The following SYTL3 variants were observed in gnomAD, a reference collection of about 807,000 sequenced individuals.
SYTL3 encodes the protein synaptotagmin-like protein 3.
SYTL3 carries 88 observed loss-of-function variants against 82.1 expected under a neutral mutation model. That is an observed-to-expected ratio of 1.07 (90% CI 0.90 to 1.28). The LOEUF (loss-of-function observed/expected upper bound fraction) is 1.28. SYTL3 is among the 50% of genes most tolerant of loss of function. The pLI is 0.00. For missense variants in SYTL3, 831 were observed against 757.6 expected, an observed-to-expected ratio of 1.10 and a Z score of -1.14; for synonymous variants, 311 against 289.4, an observed-to-expected ratio of 1.07 and a Z score of -0.76.
In SYTL3 at chr6:158,757,348, A is replaced by C. The variant is rs1190728576; in HGVS notation, c.1275A>C (p.Thr425=). ...CGTGGGACTTTGAAGACAGCACAAC[A>C]CAGTCCTTCCGCTGGCATCCGCTCC... The part of the protein sequence containing the change: ...LATWDFEDST[T]QSFRWHPLRA... Residue 425 remains threonine (T), a synonymous_variant, in exon 14 of 18, where the codon ACA becomes ACC. Coordinates refer to ENST00000611299, the MANE Select transcript of SYTL3 (RefSeq NM_001242394.2). The C allele has an allele frequency of 6.2e-7, 1 of 1,613,832 alleles. No homozygotes were observed.
intron 13 of SYTL3, among the ~76,000 whole-genome samples, chr6:158,752,316 T>G (rs1788500945): frequency 6.6e-6 from 1 of 152,212 alleles, no homozygotes; most frequent in Admixed American, 6.5e-5. Flanking sequence ...TGTCTCGGGC[T>G]AACACCGGGG....
intron 5 of SYTL3, among the ~76,000 whole-genome samples, chr6:158,667,631 C>A (rs1049164639): frequency 3.9e-5 from 6 of 152,212 alleles, no homozygotes; most frequent in Non-Finnish European, 8.8e-5. Context: ...CGATCATTGT[C>A]TCCCCTGCTT....
In SYTL3 at chr6:158,665,211, C is replaced by A. The variant is rs189754774; in HGVS notation, c.111-184C>A. 3.4e-3 allele frequency among the ~76,000 whole-genome samples: 511 copies of A among 152,264 alleles called. 5 individuals are homozygous for A. Among genetic ancestry groups the A allele is most frequent in the South Asian group, 7.3e-3 (35 of 4,816 alleles). ...ATCACCTGTTTCACGGTTGAAAAAA[C>A]CCTTGAGACTCGACTCTGAGATGTT... is the stretch of plus-strand genomic sequence containing the variant. On this transcript the variant is annotated intron_variant, in intron 4 of 17. Transcript: ENST00000611299.
chr6:158,745,929 G>A (rs1411761938), intron 12 of SYTL3, among the ~76,000 whole-genome samples: 3 of 152,040 alleles, frequency 2.0e-5, no homozygotes, highest in Non-Finnish European at 2.9e-5. Context: ...AGTCCATTTC[G>A]GCTGCTGTGA....
intron 2 of SYTL3, among the ~76,000 whole-genome samples, chr6:158,655,419 G>A (rs1219301212): frequency 6.6e-6 from 1 of 152,146 alleles, no homozygotes; most frequent in Non-Finnish European, 1.5e-5. Flanking sequence ...CTGGGTGATG[G>A]GGGAATCGCT....
At chr6:158,758,215 C>T (rs1445106025) in intron 14 of SYTL3, among the ~76,000 whole-genome samples, 9 of 152,096 alleles carry the variant, frequency 5.9e-5, no homozygotes, top group African/African-American at 1.7e-4. Flanking sequence ...CCGAGGCGGG[C>T]AGATCACAAG....
intron 12 of SYTL3, 125 bp from the exon 13 acceptor site, chr6:158,751,803 C>T: frequency 1.5e-6 from 1 of 687,052 alleles, no homozygotes; most frequent in Non-Finnish European, 2.4e-6. Context: ...TTCTATCAAC[C>T]CAAAAATTCC....
At chr6:158,672,997 C>G (rs967297335) in intron 5 of SYTL3, among the ~76,000 whole-genome samples, 5 of 151,936 alleles carry the variant, frequency 3.3e-5, no homozygotes, top group African/African-American at 1.2e-4. Context: ...AGGGTGTGAT[C>G]ATAGCTCACT....
At chr6:158,697,841 G>A (rs1485914244) in intron 6 of SYTL3, among the ~76,000 whole-genome samples, 1 of 152,190 alleles carries the variant, frequency 6.6e-6, no homozygotes, top group Non-Finnish European at 1.5e-5. Context: ...TGCCTGATAG[G>A]ACATGGGTAG....
At chr6:158,663,469 A>G in intron 4 of SYTL3, 91 bp downstream of exon 4, 1 of 1,539,342 alleles carries the variant, frequency 6.5e-7, no homozygotes, top group Non-Finnish European at 8.7e-7. Context: ...TTGCTTACAA[A>G]TCACTACCCA....
At chr6:158,703,086 G>A (rs751999721) in intron 6 of SYTL3, among the ~76,000 whole-genome samples, 9 of 150,046 alleles carry the variant, frequency 6.0e-5, no homozygotes, top group Non-Finnish European at 1.3e-4. Context: ...CCTGGGAGGC[G>A]GAGGTTGCAG....
Position 158,704,237 on chromosome 6 carries a change from A to C in SYTL3, c.395-2993A>C, listed in dbSNP as rs185115620. ...GTGGGAACGGGCACGCCTGCCCTTTATTACTGTCTGTGGCTGCTGTCATAG... is the reference window on the plus strand; with the variant it reads ...GTGGGAACGGGCACGCCTGCCCTTTCTTACTGTCTGTGGCTGCTGTCATAG... On this transcript the variant is annotated intron_variant, in intron 6 of 17. Coordinates refer to ENST00000611299, the MANE Select transcript of SYTL3 (RefSeq NM_001242394.2). Among the ~76,000 whole-genome samples the C allele has an allele frequency of 2.7e-3, 412 of 152,190 alleles. 1 individual carries two copies. The highest frequency in any genetic ancestry group is 9.3e-3 in the African/African-American group (387 of 41,532).
intron 6 of SYTL3, 44 bp from the exon 7 acceptor site, chr6:158,707,186 T>C: frequency 6.3e-7 from 1 of 1,574,982 alleles, no homozygotes; most frequent in Non-Finnish European, 8.7e-7. Flanking sequence ...ATTAGCTAAG[T>C]GCTATTCTTA....
chr6:158,719,213 G>A (rs1233739852), intron 10 of SYTL3, among the ~76,000 whole-genome samples: 1 of 152,174 alleles, frequency 6.6e-6, no homozygotes, highest in African/African-American at 2.4e-5. Context: ...TGTACTAATA[G>A]CTTAACTAGG....
chr6:158,720,339 G>C (rs1353458522), intron 10 of SYTL3, among the ~76,000 whole-genome samples: 4 of 143,996 alleles, frequency 2.8e-5, no homozygotes, highest in African/African-American at 1.0e-4. Flanking sequence ...AGGAGGCAGA[G>C]ATTGCAGTAA....
At chr6:158,699,761 A>G (rs1344981513) in intron 6 of SYTL3, among the ~76,000 whole-genome samples, 1 of 151,814 alleles carries the variant, frequency 6.6e-6, no homozygotes, top group Non-Finnish European at 1.5e-5. Flanking sequence ...CACCTTGGCC[A>G]ACATAGTGAA....
intron 6 of SYTL3, among the ~76,000 whole-genome samples, chr6:158,700,838 G>C (rs181947193): frequency 1.1e-3 from 167 of 152,090 alleles, no homozygotes; most frequent in African/African-American, 3.6e-3. Flanking sequence ...GGATGGTCTC[G>C]ATCTCCTGAC....
chr6:158,753,077 C>CTTTTTT (rs34396644), intron 13 of SYTL3, among the ~76,000 whole-genome samples: 49 of 99,074 alleles, frequency 4.9e-4, no homozygotes, highest in African/African-American at 1.4e-3. Context: ...TTCTTCTTTT[C>CTTTTTT]TTTTTTTTTT....
At chr6:158,681,491 G>A (rs1280105933) in intron 5 of SYTL3, among the ~76,000 whole-genome samples, 1 of 152,078 alleles carries the variant, frequency 6.6e-6, no homozygotes, top group Non-Finnish European at 1.5e-5. Flanking sequence ...CAGCTTGGCT[G>A]ACATGGCAAA....
Sources: allele counts gnomAD v4.1 joint callset (sites outside exome capture counted in the v4.1 genomes callset), GRCh38; gene constraint gnomAD v4.1.1; transcripts MANE v1.5; gene names NCBI Gene and HGNC (gene_info 2026-07-23, HGNC 2026-07-21).